The following FERMT2 variants were observed in gnomAD, a reference collection of about 807,000 sequenced individuals.
The protein encoded by FERMT2 is FERM domain containing kindlin 2, also known as fermitin family homolog 2.
FERMT2 carries 15 observed loss-of-function variants against 82.7 expected under a neutral mutation model. That is an observed-to-expected ratio of 0.18 (90% CI 0.12 to 0.28). The LOEUF (loss-of-function observed/expected upper bound fraction) is 0.28. Among genes scored for constraint, FERMT2 ranks in the 10% least tolerant of loss-of-function variants. The pLI is 1.00. For missense variants in FERMT2, 645 were observed against 809.4 expected, an observed-to-expected ratio of 0.80 and a Z score of 2.46; for synonymous variants, 274 against 271.5, an observed-to-expected ratio of 1.01 and a Z score of -0.09.
chr14:52,874,390 T>G (rs541597650), intron 8 of FERMT2, among the ~76,000 whole-genome samples, 164 bp from the exon 9 acceptor site: 2 of 152,318 alleles, frequency 1.3e-5, no homozygotes, highest in South Asian at 4.1e-4. Context: ...TTGTGGACCA[T>G]ATTCTTCTTG....
intron 2 of FERMT2, among the ~76,000 whole-genome samples, chr14:52,933,162 G>T (rs1198747096): frequency 6.6e-6 from 1 of 151,962 alleles, no homozygotes; most frequent in Non-Finnish European, 1.5e-5. Context: ...TTATATCTTT[G>T]AAATTAGATA....
intron 4 of FERMT2, among the ~76,000 whole-genome samples, chr14:52,892,747 C>T (rs919714867): frequency 2.0e-5 from 3 of 152,148 alleles, no homozygotes; most frequent in Non-Finnish European, 4.4e-5. Flanking sequence ...TGAGCCACCG[C>T]GCCTGGCCTT....
At chr14:52,944,449 CAGGG>C (rs1230978261) in intron 2 of FERMT2, among the ~76,000 whole-genome samples, 1 of 152,212 alleles carries the variant, frequency 6.6e-6, no homozygotes, top group Non-Finnish European at 1.5e-5. Flanking sequence ...ACACCTTCCC[CAGGG>C]AGCACTAAGC....
intron 4 of FERMT2, among the ~76,000 whole-genome samples, chr14:52,885,227 C>T (rs1168788395): frequency 7.0e-6 from 1 of 142,282 alleles, no homozygotes. Context: ...GCAGGAGAAT[C>T]GCTTGAACCC....
At chr14:52,873,508 G>A (rs1359595186) in intron 9 of FERMT2, among the ~76,000 whole-genome samples, 1 of 152,174 alleles carries the variant, frequency 6.6e-6, no homozygotes, top group Admixed American at 6.5e-5. Context: ...GTGGGTCAAG[G>A]GGGAAGGAGA....
At chr14:52,881,565 CAAA>C in intron 4 of FERMT2, 96 bp from the exon 5 acceptor site, 1 of 1,020,960 alleles carries the variant, frequency 9.8e-7, no homozygotes, top group Non-Finnish European at 1.4e-6. Flanking sequence ...CATTGTGAAA[CAAA>C]AGTTTTATTC....
chr14:52,948,546 G>A (rs901940527), intron 2 of FERMT2: 2 of 455,026 alleles, frequency 4.4e-6, no homozygotes, highest in East Asian at 7.0e-5. Flanking sequence ...GTTTCCATAC[G>A]CACAGCATTT....
chr14:52,912,063 C>G (rs533517832), intron 3 of FERMT2, among the ~76,000 whole-genome samples: 3 of 151,752 alleles, frequency 2.0e-5, no homozygotes, highest in East Asian at 3.9e-4. Context: ...TCAGATACCC[C>G]CCTTCCCTGT....
intron 7 of FERMT2, among the ~76,000 whole-genome samples, chr14:52,876,826 A>G (rs192201556): frequency 6.6e-6 from 1 of 152,258 alleles, no homozygotes; most frequent in African/African-American, 2.4e-5. Flanking sequence ...ATACTTTCAC[A>G]GTTTCCTTAT....
chr14:52,936,278 A>G (rs1365783139), intron 2 of FERMT2, among the ~76,000 whole-genome samples: 1 of 152,268 alleles, frequency 6.6e-6, no homozygotes, highest in Non-Finnish European at 1.5e-5. Flanking sequence ...AGCTTATCTC[A>G]GAAAATATTA....
intron 2 of FERMT2, among the ~76,000 whole-genome samples, chr14:52,945,976 G>A (rs978180934): frequency 3.3e-5 from 5 of 151,914 alleles, no homozygotes; most frequent in African/African-American, 4.8e-5. Context: ...TCCTGGGTTC[G>A]AGCGATTCTC....
At chr14:52,919,826 G>C (rs1055810253) in intron 2 of FERMT2, among the ~76,000 whole-genome samples, 1 of 152,178 alleles carries the variant, frequency 6.6e-6, no homozygotes, top group African/African-American at 2.4e-5. Flanking sequence ...GGGAACCAAA[G>C]TGAACAGAGA....
At chr14:52,917,062 T>G (rs1417241965) in intron 3 of FERMT2, among the ~76,000 whole-genome samples, 1 of 152,206 alleles carries the variant, frequency 6.6e-6, no homozygotes, top group Non-Finnish European at 1.5e-5. Flanking sequence ...CATTGCTAGT[T>G]GGAATATAAA....
intron 2 of FERMT2, among the ~76,000 whole-genome samples, chr14:52,946,191 TCAA>T (rs1399860380): frequency 6.6e-6 from 1 of 152,134 alleles, no homozygotes; most frequent in African/African-American, 2.4e-5. Flanking sequence ...TTAATACTTC[TCAA>T]TGACCTCCAG....
intron 3 of FERMT2, among the ~76,000 whole-genome samples, chr14:52,901,230 G>A (rs1229642422): frequency 1.5e-5 from 2 of 136,164 alleles, no homozygotes; most frequent in Non-Finnish European, 3.1e-5. Context: ...GCAGTGAGCC[G>A]AGATCGCGCC....
At chr14:52,892,166 G>GT (rs10547747) in intron 4 of FERMT2, among the ~76,000 whole-genome samples, 2,378 of 128,660 alleles carry the variant, frequency 0.018, 81 homozygotes, top group African/African-American at 0.064. Context: ...GCTGTTTTTT[G>GT]TTTTTTTTTT....
intron 10 of FERMT2, among the ~76,000 whole-genome samples, chr14:52,868,208 T>C (rs1448353488): frequency 7.9e-6 from 1 of 126,550 alleles, no homozygotes; most frequent in Admixed American, 1.0e-4. Flanking sequence ...CACAAAACTC[T>C]CTAGGCATTT....
At chr14:52,897,073 C>T (rs1288848760) in intron 3 of FERMT2, among the ~76,000 whole-genome samples, 1 of 150,590 alleles carries the variant, frequency 6.6e-6, no homozygotes, top group Non-Finnish European at 1.5e-5. Flanking sequence ...TGGAAGTTAC[C>T]TCCCTCCTCA....
At chr14:52,943,979 C>G (rs1890211645) in intron 2 of FERMT2, among the ~76,000 whole-genome samples, 1 of 152,112 alleles carries the variant, frequency 6.6e-6, no homozygotes, top group South Asian at 2.1e-4. Context: ...TGGAAACAAA[C>G]AGTTTTTTAC....
Sources: allele counts gnomAD v4.1 joint callset (sites outside exome capture counted in the v4.1 genomes callset), GRCh38; gene constraint gnomAD v4.1.1; transcripts MANE v1.5; gene names NCBI Gene and HGNC (gene_info 2026-07-23, HGNC 2026-07-21).